STT3A: variants seen among roughly 807,000 people sequenced by gnomAD.
STT3A encodes the protein dolichyl-diphosphooligosaccharide--protein glycosyltransferase subunit STT3A.
A neutral mutation model predicts 89.2 loss-of-function variants in STT3A; 34 were observed. The observed-to-expected ratio is 0.38, with a 90% CI of 0.29 to 0.51. The LOEUF (loss-of-function observed/expected upper bound fraction) is 0.51, where lower values mean the gene tolerates loss of function less well. Among genes scored for constraint, STT3A ranks in the 20% least tolerant of loss-of-function variants. STT3A has a pLI of 0.89. For synonymous variants in STT3A, 282 were observed against 310.3 expected, an observed-to-expected ratio of 0.91 and a Z score of 0.96; for missense variants, 555 against 889.5, an observed-to-expected ratio of 0.62 and a Z score of 4.78.
At chr11:125,597,390 G>C (rs1939528016) in intron 3 of STT3A, among the ~76,000 whole-genome samples, 1 of 145,378 alleles carries the variant, frequency 6.9e-6, no homozygotes, top group Non-Finnish European at 1.5e-5. Context: ...TTCAAGACCA[G>C]CCTGGGCAAC....
chr11:125,595,036 G>C (rs192791923), intron 1 of STT3A: 1 of 152,018 alleles, frequency 6.6e-6, no homozygotes, highest in Admixed American at 6.5e-5. Flanking sequence ...TAGTTGACCC[G>C]ACAGCCCCAT....
chr11:125,608,053 C>T lies in STT3A; in HGVS notation c.781-56C>T, dbSNP rs935754875. 18 of 1,517,504 alleles carry T rather than the reference C, an allele frequency of 1.2e-5. No homozygotes were observed. The African/African-American group carries it at 1.4e-4, about 12-fold the overall frequency. The allele number at this position is 1,517,504 out of a possible 1,614,324, so 94.0% of individuals were successfully genotyped here. On this transcript the variant is annotated intron_variant, in intron 8 of 17. Coordinates refer to ENST00000392708, the MANE Select transcript of STT3A (RefSeq NM_152713.5). Reference sequence around the variant, plus strand: ...TAGATAAGAATAATGCAGGCCTGCACTGGACTTACTCATTTTTTTTCCTTA... The same window carrying T: ...TAGATAAGAATAATGCAGGCCTGCATTGGACTTACTCATTTTTTTTCCTTA...
At chr11:125,606,679 G>C (rs1432560169) in intron 8 of STT3A, among the ~76,000 whole-genome samples, 1 of 152,142 alleles carries the variant, frequency 6.6e-6, no homozygotes, top group African/African-American at 2.4e-5. Context: ...GAATTCCATG[G>C]CTCTTACTTT....
chr11:125,599,045 G>T (rs1939588988), intron 3 of STT3A, among the ~76,000 whole-genome samples: 2 of 152,196 alleles, frequency 1.3e-5, no homozygotes. Flanking sequence ...TAAGGGACTT[G>T]ACACTTCCTT....
intron 8 of STT3A, among the ~76,000 whole-genome samples, chr11:125,607,415 G>A (rs726059): frequency 0.39 from 59,914 of 152,096 alleles, 12,222 homozygotes; most frequent in African/African-American, 0.5. Flanking sequence ...GAATAAAAAT[G>A]CGGTCATAGT....
chr11:125,616,132 G>A (rs1294002737), intron 15 of STT3A, among the ~76,000 whole-genome samples: 2 of 152,180 alleles, frequency 1.3e-5, no homozygotes, highest in Non-Finnish European at 2.9e-5. Flanking sequence ...TAGTGTAGTT[G>A]TCCCTCTGTA....
At chr11:125,617,755 T>C (rs1288844123) in intron 15 of STT3A, among the ~76,000 whole-genome samples, 1 of 152,242 alleles carries the variant, frequency 6.6e-6, no homozygotes, top group African/African-American at 2.4e-5. Flanking sequence ...GTAAAGCTAC[T>C]ACTCTTTAGA....
Position 125,618,616 on chromosome 11 carries a change from C to T in STT3A, c.1963+55C>T. 3 of 1,519,662 alleles carry T rather than the reference C, an allele frequency of 2.0e-6. No individual in the cohort carries two copies. In the South Asian group the frequency reaches 3.8e-5, roughly 19 times the overall value. 94.1% of individuals were successfully genotyped at this position (1,519,662 alleles called of 1,614,324 possible). ...GTAGTAATAATAGTGATTACTAATA[C>T]ACAGTATTTTCCATATGCCAAGCAC... On this transcript the variant is annotated intron_variant, in intron 16 of 17. Coordinates refer to ENST00000392708, the MANE Select transcript of STT3A (RefSeq NM_152713.5).
chr11:125,620,800 C>G lies in STT3A; in HGVS notation c.2108C>G (p.Ser703Ter). 1 of 1,612,534 alleles carries G rather than the reference C, an allele frequency of 6.2e-7. No homozygotes were observed. The highest frequency in any genetic ancestry group is 8.5e-7 in the Non-Finnish European group (1 of 1,179,514). ...KVKDLDNRGL[S>*]RT is the part of the protein sequence containing the mutation. The stretch of plus-strand genomic sequence containing the variant: ...AAGGACCTGGATAATCGAGGCTTGT[C>G]AAGGACATAAATGTCACGTCCAGCT... The change falls in exon 18 of 18, where the codon TCA (serine) becomes TGA (stop). Residue 703 changes from serine (S) to a stop codon, truncating the protein, a stop_gained. Coordinates refer to ENST00000392708, the MANE Select transcript of STT3A (RefSeq NM_152713.5). LOFTEE classifies it high-confidence loss of function.
Position 125,597,053 on chromosome 11 carries a change from T to C in STT3A, c.89-6T>C, listed in dbSNP as rs531278643. ...CAATAAAATATTAACTCTCTGGTTTTTGCAGCCTTCTCCACTCGTCTGTTT... is the reference window on the plus strand; with the variant it reads ...CAATAAAATATTAACTCTCTGGTTTCTGCAGCCTTCTCCACTCGTCTGTTT... On this transcript the variant is annotated splice_region_variant and splice_polypyrimidine_tract_variant and intron_variant, in intron 2 of 17. Coordinates refer to ENST00000392708, the MANE Select transcript of STT3A (RefSeq NM_152713.5). 6.2e-7 allele frequency: 1 copy of C among 1,614,142 alleles called. No individual in the cohort carries two copies. The highest frequency in any genetic ancestry group is 1.3e-5 in the African/African-American group (1 of 75,054).
chr11:125,592,913 G>C lies in STT3A; in HGVS notation c.-41G>C, dbSNP rs541002385. On this transcript the variant is annotated 5_prime_UTR_variant, in exon 1 of 18. Transcript: ENST00000392708. ...GCCCCGCGGATCGTTTAGGAAAGCC[G>C]GCCAGGTGAGAAGGCCGTAGAACGT... 3.0e-4 allele frequency: 53 copies of C among 176,698 alleles called. No homozygotes were observed. The highest frequency in any genetic ancestry group is 1.0e-3 in the Admixed American group (17 of 16,948). The allele number at this position is 176,698 out of a possible 1,614,324, so 10.9% of individuals were successfully genotyped here. A position where few individuals can be genotyped will look rare whatever the true frequency, so the allele number is the denominator to read the frequency against.
intron 15 of STT3A, among the ~76,000 whole-genome samples, chr11:125,615,468 C>T (rs1400112795): frequency 2.0e-5 from 3 of 151,646 alleles, no homozygotes; most frequent in Non-Finnish European, 4.4e-5. Context: ...GTTCAACCAA[C>T]CACAAATGGA....
rs1046380153 is a variant in STT3A at position 125,622,792 on chromosome 11, C to G, written c.*1982C>G. On this transcript the variant is annotated 3_prime_UTR_variant, in exon 18 of 18. Transcript: ENST00000392708. ...GTCTGCTCCTCTTTAAGAGTGGGAC[C>G]CTAGGCAGGGCGCAGTGGATCATGC... 33 of 149,360 alleles carry G rather than the reference C, an allele frequency of 2.2e-4. No individual in the cohort carries two copies. The highest frequency in any genetic ancestry group is 7.7e-4 in the African/African-American group (31 of 40,428). 9.3% of individuals were successfully genotyped at this position (149,360 alleles called of 1,614,324 possible). A position where few individuals can be genotyped will look rare whatever the true frequency, so the allele number is the denominator to read the frequency against.
intron 15 of STT3A, among the ~76,000 whole-genome samples, chr11:125,615,249 A>G (rs1484681045): frequency 1.3e-5 from 2 of 152,168 alleles, no homozygotes; most frequent in Non-Finnish European, 2.9e-5. Flanking sequence ...TCTGGGCAGC[A>G]GAGTGAAACT....
In STT3A at chr11:125,621,520, G is replaced by T. The variant is rs147009166; in HGVS notation, c.*710G>T. On this transcript the variant is annotated 3_prime_UTR_variant, in exon 18 of 18. Coordinates refer to ENST00000392708, the MANE Select transcript of STT3A (RefSeq NM_152713.5). Reference sequence around the variant, plus strand: ...CCAGCATTACATATAGAGCTTGATGGTCAGTAGGTGTTTTTGAATCAGCTT... The same window carrying T: ...CCAGCATTACATATAGAGCTTGATGTTCAGTAGGTGTTTTTGAATCAGCTT... 6.6e-6 allele frequency: 1 copy of T among 152,184 alleles called. No individual in the cohort carries two copies. The highest frequency in any genetic ancestry group is 1.5e-5 in the Non-Finnish European group (1 of 68,040). The allele number at this position is 152,184 out of a possible 1,614,324, so 9.4% of individuals were successfully genotyped here.
intron 3 of STT3A, 80 bp downstream of exon 3, chr11:125,597,199 A>G (rs1939522773): frequency 7.0e-7 from 1 of 1,429,550 alleles, no homozygotes; most frequent in East Asian, 2.3e-5. Context: ...AATTTCAGTC[A>G]GCTCTCAGTG....
intron 5 of STT3A, 78 bp from the exon 6 acceptor site, chr11:125,604,079 A>C (rs904941548): frequency 1.4e-6 from 2 of 1,452,042 alleles, no homozygotes; most frequent in Non-Finnish European, 1.9e-6. Context: ...CATTATAAAC[A>C]GAATGGACTA....
chr11:125,615,223 C>T lies in STT3A; in HGVS notation c.1774+797C>T, dbSNP rs556817167. Among the ~76,000 whole-genome samples, 30 of 152,018 alleles carry T rather than the reference C, an allele frequency of 2.0e-4. 2 individuals are homozygous for T. Among genetic ancestry groups the T allele is most frequent in the African/African-American group, 6.3e-4 (26 of 41,442 alleles). ...GAGAGGTTGCAGTGGGCTGACATTGCGCCATTGGACTCCAGTCTGGGCAGC... is the reference window on the plus strand; with the variant it reads ...GAGAGGTTGCAGTGGGCTGACATTGTGCCATTGGACTCCAGTCTGGGCAGC... On this transcript the variant is annotated intron_variant, in intron 15 of 17. Transcript: ENST00000392708.
In STT3A at chr11:125,618,452, T is replaced by C. The variant is rs1202938297; in HGVS notation, c.1854T>C (p.Tyr618=). The C allele has an allele frequency of 2.5e-6, 4 of 1,614,074 alleles. No homozygotes were observed. In the East Asian group the frequency reaches 8.9e-5, roughly 36 times the overall value. ...AACATATCAAGGAGAATGACTATTA[T>C]ACTCCAACTGGGGAGTTCCGTGTGG... is the stretch of plus-strand genomic sequence containing the variant. ...TGKHIKENDY[Y]TPTGEFRVDR... Residue 618 remains tyrosine (Y), a synonymous_variant, in exon 16 of 18, where the codon TAT becomes TAC. Coordinates refer to ENST00000392708, the MANE Select transcript of STT3A (RefSeq NM_152713.5).
Sources: allele counts gnomAD v4.1 joint callset (sites outside exome capture counted in the v4.1 genomes callset), GRCh38; gene constraint gnomAD v4.1.1; transcripts MANE v1.5; gene names NCBI Gene and HGNC (gene_info 2026-07-23, HGNC 2026-07-21).